Variants in DPP6 observed in about 807,000 individuals in gnomAD.
DPP6 encodes A-type potassium channel modulatory protein DPP6.
A neutral mutation model predicts 122.6 loss-of-function variants in DPP6; 69 were observed. That is an observed-to-expected ratio of 0.56 (90% CI 0.46 to 0.69). The LOEUF is 0.69. Ranked by LOEUF, DPP6 falls within the 30% of genes least tolerant of loss-of-function variation. DPP6 has a pLI of 0.00. For missense variants in DPP6, 928 were observed against 1,116.9 expected, an observed-to-expected ratio of 0.83 and a Z score of 2.41; for synonymous variants, 418 against 433.1, an observed-to-expected ratio of 0.97 and a Z score of 0.43.
chr7:154,793,495 G>A (rs1797817619), intron 10 of DPP6: 1 of 152,244 alleles, frequency 6.6e-6, no homozygotes, highest in Non-Finnish European at 1.5e-5. Flanking sequence ...ATCAAACCAA[G>A]TTCGCCTGAA....
intron 1 of DPP6, among the ~76,000 whole-genome samples, chr7:154,111,525 T>C (rs1363187382): frequency 2.6e-5 from 4 of 152,184 alleles, no homozygotes; most frequent in African/African-American, 9.7e-5. Context: ...TAAATCATGA[T>C]TTATGCCAAT....
chr7:154,580,583 G>A lies in DPP6; in HGVS notation c.627+13667G>A, dbSNP rs952700173. Among the ~76,000 whole-genome samples, 55 of 152,184 alleles carry A rather than the reference G, an allele frequency of 3.6e-4. 2 individuals carry two copies. The highest frequency in any genetic ancestry group is 3.3e-3 in the Admixed American group (51 of 15,286). On this transcript the variant is annotated intron_variant, in intron 5 of 25. Coordinates refer to ENST00000377770, the MANE Select transcript of DPP6 (RefSeq NM_130797.4). The stretch of plus-strand genomic sequence containing the variant: ...CTGCCCCCGTGAGTCTTCATGTGGT[G>A]TAGATGATGTCAGGGTCAGAAACTG...
chr7:154,400,879 G>A (rs751979285), intron 1 of DPP6, among the ~76,000 whole-genome samples: 1 of 152,150 alleles, frequency 6.6e-6, no homozygotes, highest in Non-Finnish European at 1.5e-5. Context: ...AGCATTTGGT[G>A]TAGTGTAAGA....
At chr7:154,328,547 C>T (rs1451762556) in intron 1 of DPP6, among the ~76,000 whole-genome samples, 1 of 152,100 alleles carries the variant, frequency 6.6e-6, no homozygotes, top group East Asian at 1.9e-4. Flanking sequence ...ACTGGCTTGC[C>T]TGGTGTTGTC....
chr7:154,838,552 G>A (rs1444091991), intron 16 of DPP6: 1 of 152,260 alleles, frequency 6.6e-6, no homozygotes, highest in African/African-American at 2.4e-5. Context: ...ATGTAAGTAG[G>A]TATTTGCAGG....
the DPP6 span, among the ~76,000 whole-genome samples, chr7:153,867,791 C>T: frequency 4.6e-5 from 7 of 152,264 alleles, no homozygotes; most frequent in South Asian, 1.5e-3. Flanking sequence ...GTGGGTTTGA[C>T]ATAGATAGCT....
intron 1 of DPP6, among the ~76,000 whole-genome samples, chr7:153,992,190 A>G (rs1254391793): frequency 4.6e-5 from 7 of 152,060 alleles, no homozygotes; most frequent in Non-Finnish European, 8.8e-5. Context: ...TTCAGACCAT[A>G]GTACCTCCCA....
At chr7:154,767,163 C>A (rs187156687) in intron 8 of DPP6, among the ~76,000 whole-genome samples, 33 of 152,210 alleles carry the variant, frequency 2.2e-4, no homozygotes, top group African/African-American at 7.9e-4. Flanking sequence ...TTTCCCGAGT[C>A]GGCTGTGAAT....
At chr7:154,112,152 G>A (rs945731403) in intron 1 of DPP6, among the ~76,000 whole-genome samples, 4 of 152,134 alleles carry the variant, frequency 2.6e-5, no homozygotes, top group African/African-American at 9.7e-5. Context: ...TTTGGATGAC[G>A]TGGACAGTGG....
At chr7:154,095,386 G>A (rs568532533) in intron 1 of DPP6, 3 of 139,970 alleles carry the variant, frequency 2.1e-5, no homozygotes, top group South Asian at 2.6e-4. Flanking sequence ...CAGGAGGAGC[G>A]GCAAAGTCTA....
intron 7 of DPP6, among the ~76,000 whole-genome samples, chr7:154,686,636 G>C (rs1433185220): frequency 6.6e-6 from 1 of 152,144 alleles, no homozygotes; most frequent in Non-Finnish European, 1.5e-5. Flanking sequence ...CGTTCCTCCT[G>C]GAGAGGGTGG....
chr7:154,168,318 C>T (rs898155940), intron 1 of DPP6, among the ~76,000 whole-genome samples: 12 of 152,164 alleles, frequency 7.9e-5, no homozygotes, highest in East Asian at 7.7e-4. Flanking sequence ...CCAAGCTGGC[C>T]GCGCAGATCC....
chr7:153,918,484 TCTCTC>T (rs1800445339), intron 1 of DPP6, among the ~76,000 whole-genome samples: 1 of 134,382 alleles, frequency 7.4e-6, no homozygotes, highest in African/African-American at 2.8e-5. Flanking sequence ...TCTCTCTCTC[TCTCTC>T]TTTTTCTGCC....
chr7:154,783,756 A>G (rs1249271491), intron 10 of DPP6, among the ~76,000 whole-genome samples: 1 of 152,180 alleles, frequency 6.6e-6, no homozygotes, highest in Admixed American at 6.5e-5. Flanking sequence ...CAGAACACAC[A>G]TGAGTAGAAG....
At chr7:153,869,799 T>C in the DPP6 span, among the ~76,000 whole-genome samples, 1 of 152,218 alleles carries the variant, frequency 6.6e-6, no homozygotes, top group African/African-American at 2.4e-5. Context: ...TGGTTGTTCC[T>C]TTCCATTTTT....
At chr7:154,593,838 C>G (rs1832942472) in intron 5 of DPP6, among the ~76,000 whole-genome samples, 1 of 152,236 alleles carries the variant, frequency 6.6e-6, no homozygotes, top group South Asian at 2.1e-4. Context: ...CACAAATGAT[C>G]AAGCTAGTGA....
chr7:153,793,407 G>A, the DPP6 span, among the ~76,000 whole-genome samples: 7 of 122,678 alleles, frequency 5.7e-5, 2 homozygotes, highest in Admixed American at 5.4e-4. Flanking sequence ...CTAGGGATTT[G>A]TGAAACTTTG....
rs1170662489 is a variant in DPP6, at chr7:154,313,685, G to GTATATATATATATATA, written c.244-132514_244-132499dup. 2.0e-3 allele frequency among the ~76,000 whole-genome samples: 41 copies of GTATATATATATATATA among 20,408 alleles called. 2 individuals are homozygous for GTATATATATATATATA. Among genetic ancestry groups the GTATATATATATATATA allele is most frequent in the African/African-American group, 4.2e-3 (33 of 7,830 alleles). 13.4% of individuals were successfully genotyped at this position (20,408 alleles called of 152,430 possible). A position where few individuals can be genotyped will look rare whatever the true frequency, so the allele number is the denominator to read the frequency against. ...AAGCAACAAGATATTTTAAGATATG[G>GTATATATATATATATA]TATATATATATATATATATATATAT... is the stretch of plus-strand genomic sequence containing the variant. On this transcript the variant is annotated intron_variant, in intron 1 of 25. Coordinates refer to ENST00000377770, the MANE Select transcript of DPP6 (RefSeq NM_130797.4).
At chr7:154,342,619 C>CATT (rs1810031278) in intron 1 of DPP6, among the ~76,000 whole-genome samples, 1 of 152,166 alleles carries the variant, frequency 6.6e-6, no homozygotes, top group Non-Finnish European at 1.5e-5. Context: ...AGATCCTGTG[C>CATT]ATTAACAGAA....
Sources: gnomAD v4.1 joint callset for allele counts (sites outside exome capture counted in the v4.1 genomes callset) on GRCh38, gnomAD v4.1.1 for gene constraint, MANE v1.5 for transcripts, NCBI Gene and HGNC (gene_info 2026-07-23, HGNC 2026-07-21) for gene names.